Variants in NCALD observed in about 807,000 individuals in gnomAD.
NCALD encodes neurocalcin delta.
Under a neutral mutation model 18.6 loss-of-function variants are expected in NCALD, and 10 were observed. The observed-to-expected ratio is 0.54, with a 90% CI of 0.33 to 0.91. NCALD has a LOEUF of 0.91. Ranked by LOEUF, NCALD falls within the 40% of genes least tolerant of loss-of-function variation. The pLI is 0.03. For synonymous variants in NCALD, 88 were observed against 87.4 expected (o/e 1.01, Z -0.04); for missense variants, 184 against 247.6 (o/e 0.74, Z 1.72).
intron 4 of NCALD, among the ~76,000 whole-genome samples, chr8:101,859,143 G>A (rs1815437586): frequency 6.6e-6 from 1 of 152,132 alleles, no homozygotes; most frequent in African/African-American, 2.4e-5. Flanking sequence ...GCAGGCAGAA[G>A]TTGGAAGGAC....
At chr8:101,833,050 T>A (rs1272670078) in intron 4 of NCALD, among the ~76,000 whole-genome samples, 2 of 152,250 alleles carry the variant, frequency 1.3e-5, no homozygotes, top group African/African-American at 2.4e-5. Context: ...CTGAAGAGGC[T>A]ATGAAGTTCA....
At chr8:102,112,428 T>C (rs1188002173) in intron 1 of NCALD, among the ~76,000 whole-genome samples, 2 of 152,154 alleles carry the variant, frequency 1.3e-5, no homozygotes, top group African/African-American at 4.8e-5. Context: ...CTCCACATTC[T>C]TTTTTTATAC....
intron 1 of NCALD, among the ~76,000 whole-genome samples, chr8:101,779,762 G>A (rs1247036988): frequency 6.6e-6 from 1 of 152,088 alleles, no homozygotes; most frequent in African/African-American, 2.4e-5. Context: ...ATTATCTGCA[G>A]TCTTTTCTGT....
intron 2 of NCALD, among the ~76,000 whole-genome samples, chr8:101,703,470 G>A (rs1815366914): frequency 6.6e-6 from 1 of 152,146 alleles, no homozygotes; most frequent in African/African-American, 2.4e-5. Context: ...CCAAGATAGA[G>A]TCACAGGGAT....
At position 102,034,455 on chromosome 8, in the gene NCALD, G is replaced by A. The variant is rs1822791735; in HGVS notation, c.-209-14166C>T. 2.6e-5 allele frequency among the ~76,000 whole-genome samples: 4 copies of A among 152,162 alleles called. No individual in the cohort carries two copies. The South Asian group carries it at 8.3e-4, about 31-fold the overall frequency. On this transcript the variant is annotated intron_variant, in intron 1 of 6. Transcript: ENST00000311028. ...TATGGGTGGAGGGCTGTGTATGGAT[G>A]AAAAAGAGACAAAGGGGTGGACTGT...
chr8:101,747,864 C>A (rs1306406963), intron 1 of NCALD, among the ~76,000 whole-genome samples: 1 of 151,982 alleles, frequency 6.6e-6, no homozygotes, highest in Non-Finnish European at 1.5e-5. Flanking sequence ...ATTACAGGTG[C>A]CCGCCACAAC....
In NCALD at chr8:101,732,590, C is replaced by CTTTTTTTTTT. The variant is rs576286368; in HGVS notation, c.-19-12952_-19-12943dup. ...AATTCAGAGTATTTCTTTTTCTTTG[C>CTTTTTTTTTT]TTTTTTTTTTTTTTTTTTTTTTTTT... On this transcript the variant is annotated intron_variant, in intron 1 of 3. Coordinates refer to ENST00000220931, the MANE Select transcript of NCALD (RefSeq NM_032041.3). Among the ~76,000 whole-genome samples the CTTTTTTTTTT allele has an allele frequency of 5.0e-4, 27 of 53,678 alleles. 2 individuals are homozygous for CTTTTTTTTTT. Among genetic ancestry groups the CTTTTTTTTTT allele is most frequent in the Middle Eastern group, 0.02 (1 of 50 alleles). The allele number at this position is 53,678 out of a possible 152,430, so 35.2% of individuals were successfully genotyped here.
chr8:101,708,388 T>C (rs966440671), intron 2 of NCALD, among the ~76,000 whole-genome samples: 3 of 152,228 alleles, frequency 2.0e-5, no homozygotes, highest in Admixed American at 1.3e-4. Context: ...TCCCTTTTCT[T>C]TGTGAACAAA....
In NCALD at chr8:101,719,261, C is replaced by T; in HGVS notation, c.369G>A (p.Glu123=). 6.2e-7 allele frequency: 1 copy of T among 1,613,548 alleles called. No homozygotes were observed. The highest frequency in any genetic ancestry group is 8.5e-7 in the Non-Finnish European group (1 of 1,179,746). ...NGYISKAEML[E]IVQAIYKMVS... ...GGCTCAGTCTACGTACCTGCACGAT[C>T]TCTAGCATCTCTGCCTTGCTGATAT... is the stretch of plus-strand genomic sequence containing the variant. Residue 123 remains glutamate (E), a synonymous_variant, in exon 2 of 4, where the codon GAG becomes GAA. Coordinates refer to ENST00000220931, the MANE Select transcript of NCALD (RefSeq NM_032041.3).
chr8:102,036,545 C>T lies in NCALD; in HGVS notation c.-209-16256G>A, dbSNP rs528810276. Among the ~76,000 whole-genome samples the T allele has an allele frequency of 1.4e-4, 22 of 151,990 alleles. No homozygotes were observed. The East Asian group carries it at 3.9e-3, about 27-fold the overall frequency. On this transcript the variant is annotated intron_variant, in intron 1 of 6. Transcript: ENST00000311028. ...ATCCCAGCACTTTGGGAGGCTGAGG[C>T]GGGAGGATCACCTGAGGTCAGGAGT...
chr8:101,785,476 C>T (rs1812187581), intron 1 of NCALD, among the ~76,000 whole-genome samples: 1 of 152,098 alleles, frequency 6.6e-6, no homozygotes, highest in Admixed American at 6.5e-5. Flanking sequence ...AAACAGGCCC[C>T]TGATCAGTTT....
chr8:102,031,016 T>G (rs1378276477), intron 1 of NCALD, among the ~76,000 whole-genome samples: 2 of 150,446 alleles, frequency 1.3e-5, no homozygotes, highest in Non-Finnish European at 3.0e-5. Context: ...ACTAAATGAA[T>G]CTAAGCATTA....
At chr8:101,763,093 C>T (rs1400631410) in intron 1 of NCALD, among the ~76,000 whole-genome samples, 1 of 152,100 alleles carries the variant, frequency 6.6e-6, no homozygotes, top group Admixed American at 6.6e-5. Flanking sequence ...TGTATGTATA[C>T]TACATATCAG....
intron 1 of NCALD, among the ~76,000 whole-genome samples, chr8:101,763,377 T>C: frequency 6.6e-6 from 1 of 152,076 alleles, no homozygotes; most frequent in South Asian, 2.1e-4. Context: ...AACTGAGATA[T>C]GAAAGGAGGA....
At chr8:101,952,190 G>A (rs1819452730) in intron 2 of NCALD, among the ~76,000 whole-genome samples, 1 of 152,130 alleles carries the variant, frequency 6.6e-6, no homozygotes, top group African/African-American at 2.4e-5. Flanking sequence ...GTTCCTAAGG[G>A]AACTGAGAGT....
At chr8:101,763,871 T>A (rs985116840) in intron 1 of NCALD, among the ~76,000 whole-genome samples, 13 of 151,706 alleles carry the variant, frequency 8.6e-5, no homozygotes, top group Admixed American at 1.3e-4. Flanking sequence ...CTCTCCTGGG[T>A]CTCCCGCTTG....
chr8:101,692,980 C>A, intron 2 of NCALD, 84 bp from the exon 3 acceptor site: 2 of 985,306 alleles, frequency 2.0e-6, no homozygotes, highest in South Asian at 1.3e-5. Flanking sequence ...CAAATGCGGG[C>A]TGAAGGGAAT....
At chr8:101,919,955 C>G (rs1345897323) in intron 2 of NCALD, among the ~76,000 whole-genome samples, 4 of 151,988 alleles carry the variant, frequency 2.6e-5, no homozygotes, top group Non-Finnish European at 5.9e-5. Context: ...TAGTTCAACC[C>G]CCATAGAAAA....
chr8:102,097,526 C>T (rs532479447), intron 1 of NCALD, among the ~76,000 whole-genome samples: 6 of 152,264 alleles, frequency 3.9e-5, no homozygotes, highest in Admixed American at 6.5e-5. Flanking sequence ...GATCCCTTCC[C>T]GGTGAGACAT....
Sources: allele counts gnomAD v4.1 joint callset (sites outside exome capture counted in the v4.1 genomes callset), GRCh38; gene constraint gnomAD v4.1.1; transcripts MANE v1.5; gene names NCBI Gene and HGNC (gene_info 2026-07-23, HGNC 2026-07-21).